Variants in CUEDC1 observed in about 807,000 individuals in gnomAD.
CUEDC1 encodes the protein CUE domain containing 1.
In CUEDC1, 30 loss-of-function variants were observed where a neutral mutation model predicts 43.7. The observed-to-expected ratio is 0.69, with a 90% confidence interval of 0.51 to 0.93. The LOEUF is 0.93. Ranked by LOEUF, CUEDC1 falls within the 40% of genes least tolerant of loss-of-function variation. CUEDC1 has a pLI of 0.00. For synonymous variants in CUEDC1, 223 were observed against 223.6 expected (o/e 1.00, Z 0.02); for missense variants, 486 against 549.0 (o/e 0.89, Z 1.15).
At chr17:57,897,462 A>G (rs932450868) in intron 1 of CUEDC1, among the ~76,000 whole-genome samples, 2 of 151,928 alleles carry the variant, frequency 1.3e-5, no homozygotes, top group African/African-American at 4.8e-5. Context: ...CAAGGTAGGG[A>G]GATTCAGACC....
At chr17:57,945,066 C>T (rs2074948762) in intron 1 of CUEDC1, among the ~76,000 whole-genome samples, 1 of 152,170 alleles carries the variant, frequency 6.6e-6, no homozygotes, top group Non-Finnish European at 1.5e-5. Context: ...CAGTACGGAT[C>T]ATTTGGGAAT....
rs1567726635 is a variant in CUEDC1 at position 57,944,212 on chromosome 17, T to TA, written c.-316+11012_-316+11013insT. Among the ~76,000 whole-genome samples the TA allele has an allele frequency of 4.2e-3, 499 of 119,132 alleles. 4 individuals carry two copies. The highest frequency in any genetic ancestry group is 5.1e-3 in the Non-Finnish European group (285 of 56,396). The allele number at this position is 119,132 out of a possible 152,430, so 78.2% of individuals were successfully genotyped here. A position where few individuals can be genotyped will look rare whatever the true frequency, so the allele number is the denominator to read the frequency against. On this transcript the variant is annotated intron_variant, in intron 1 of 10. Coordinates refer to ENST00000577830, the MANE Select transcript of CUEDC1 (RefSeq NM_001271875.2). ...TATTTATTTTTTTATATATATATAT[T>TA]TTTTTTTTTTTTTTTGAGACGGAGC...
At chr17:57,946,640 ACT>A (rs1243249081) in intron 1 of CUEDC1, among the ~76,000 whole-genome samples, 3 of 151,992 alleles carry the variant, frequency 2.0e-5, no homozygotes, top group Non-Finnish European at 2.9e-5. Flanking sequence ...ATGTATGTTG[ACT>A]CTGTGGCATG....
chr17:57,876,112 C>T (rs917590174), intron 3 of CUEDC1, among the ~76,000 whole-genome samples: 1 of 152,178 alleles, frequency 6.6e-6, no homozygotes, highest in Non-Finnish European at 1.5e-5. Context: ...CAAATCTGAT[C>T]TCCCTCAGCA....
At position 57,861,515 on chromosome 17, in the gene CUEDC1, C is replaced by T. The variant is rs1333323490; in HGVS notation, c.*1774G>A. The T allele has an allele frequency of 1.3e-5, 2 of 152,354 alleles. No homozygotes were observed. The highest frequency in any genetic ancestry group is 2.9e-5 in the Non-Finnish European group (2 of 68,180). 9.4% of individuals were successfully genotyped at this position (152,354 alleles called of 1,614,324 possible). ...GGTACCCTAGGGATGCGACGCGGGG[C>T]TCCTGGGGACAAACCCTGCCCCAGG... On this transcript the variant is annotated 3_prime_UTR_variant, in exon 11 of 11. Coordinates refer to ENST00000577830, the MANE Select transcript of CUEDC1 (RefSeq NM_001271875.2).
At chr17:57,925,015 C>T (rs114954423) in intron 1 of CUEDC1, among the ~76,000 whole-genome samples, 5,783 of 151,772 alleles carry the variant, frequency 0.038, 116 homozygotes, top group South Asian at 0.054. Flanking sequence ...AAAACCACAC[C>T]GTTCCATTAA....
chr17:57,948,591 A>G (rs551226184), intron 1 of CUEDC1, among the ~76,000 whole-genome samples: 128 of 152,352 alleles, frequency 8.4e-4, no homozygotes, highest in African/African-American at 2.7e-3. Context: ...TCCTCCGATC[A>G]CCGAGCTGAC....
At chr17:57,923,728 G>T (rs2074718585) in intron 1 of CUEDC1, among the ~76,000 whole-genome samples, 1 of 152,296 alleles carries the variant, frequency 6.6e-6, no homozygotes, top group South Asian at 2.1e-4. Context: ...TGGGTGGCAG[G>T]CCCTTCTGGC....
rs1220924453 is a variant in CUEDC1, at chr17:57,954,931, C to G, written c.-316+294G>C. Among the ~76,000 whole-genome samples, 3 of 151,740 alleles carry G rather than the reference C, an allele frequency of 2.0e-5. No homozygotes were observed. Among genetic ancestry groups the G allele is most frequent in the Non-Finnish European group, 4.4e-5 (3 of 67,838 alleles). On this transcript the variant is annotated intron_variant, in intron 1 of 10. Transcript: ENST00000577830. This position sits in a 1 kb window ranked among gnomAD's most constrained non-coding sequence, Gnocchi z 4.3. ...CGCCCCCCGGTCTAATCGCGCGCCC[C>G]GCTCCCGGCCCCCCAGATGCCCGCA... is the stretch of plus-strand genomic sequence containing the variant.
chr17:57,880,534 T>C (rs1332722843), intron 2 of CUEDC1, among the ~76,000 whole-genome samples: 1 of 152,130 alleles, frequency 6.6e-6, no homozygotes, highest in African/African-American at 2.4e-5. Flanking sequence ...CTTGTCTTTA[T>C]CCAGGAGCCA....
At chr17:57,931,122 C>T (rs2074800045) in intron 1 of CUEDC1, among the ~76,000 whole-genome samples, 3 of 151,962 alleles carry the variant, frequency 2.0e-5, no homozygotes. Flanking sequence ...AACAGGGTCT[C>T]TACAAAAAAT....
At chr17:57,952,375 C>T (rs966037901) in intron 1 of CUEDC1, among the ~76,000 whole-genome samples, 8 of 151,878 alleles carry the variant, frequency 5.3e-5, no homozygotes, top group Admixed American at 2.6e-4. Flanking sequence ...TACAGGCACA[C>T]GCCACCACAC....
chr17:57,936,499 A>G (rs951821605), intron 1 of CUEDC1, among the ~76,000 whole-genome samples: 3 of 152,114 alleles, frequency 2.0e-5, no homozygotes, highest in Admixed American at 6.5e-5. Context: ...GAGGCACCCA[A>G]CTTCTAGGAT....
intron 1 of CUEDC1, among the ~76,000 whole-genome samples, chr17:57,938,811 T>C (rs1478019363): frequency 2.0e-5 from 3 of 151,560 alleles, no homozygotes; most frequent in African/African-American, 4.9e-5. Context: ...TACAGGCATG[T>C]GCCACCACGC....
At chr17:57,868,656 A>G (rs1026903425) in intron 7 of CUEDC1, among the ~76,000 whole-genome samples, 1 of 152,178 alleles carries the variant, frequency 6.6e-6, no homozygotes, top group South Asian at 2.1e-4. Context: ...TTTCCTTGAA[A>G]TGGAGCCTGA....
chr17:57,946,360 T>A (rs2074959557), intron 1 of CUEDC1, among the ~76,000 whole-genome samples: 1 of 152,166 alleles, frequency 6.6e-6, no homozygotes, highest in South Asian at 2.1e-4. Flanking sequence ...GAAGGAAACA[T>A]CTGTGTATGC....
chr17:57,931,149 G>A (rs975607571), intron 1 of CUEDC1, among the ~76,000 whole-genome samples: 10 of 152,064 alleles, frequency 6.6e-5, no homozygotes, highest in Non-Finnish European at 1.3e-4. Context: ...ATTAGCTGGA[G>A]GTGGTGGCAC....
chr17:57,911,153 C>T (rs750270386), intron 1 of CUEDC1, among the ~76,000 whole-genome samples: 2 of 152,208 alleles, frequency 1.3e-5, no homozygotes, highest in Non-Finnish European at 2.9e-5. Context: ...CTGGCCTCCA[C>T]CCCCAGAGTT....
intron 1 of CUEDC1, among the ~76,000 whole-genome samples, chr17:57,934,263 G>A (rs1024173940): frequency 3.9e-5 from 6 of 152,028 alleles, no homozygotes; most frequent in East Asian, 1.9e-4. Context: ...GTGGTGACAC[G>A]TGCCTATAGT....
Sources: allele counts gnomAD v4.1 joint callset (sites outside exome capture counted in the v4.1 genomes callset), GRCh38; gene constraint gnomAD v4.1.1; non-coding constraint Gnocchi (gnomAD v3.1); transcripts MANE v1.5; gene names NCBI Gene and HGNC (gene_info 2026-07-23, HGNC 2026-07-21).